ATP8A2: variants seen among roughly 807,000 people sequenced by gnomAD.
ATP8A2 encodes ATPase phospholipid transporting 8A2, also known as phospholipid-transporting ATPase IB.
In ATP8A2, 100 loss-of-function variants were observed where a neutral mutation model predicts 165.6. The ratio of observed to expected loss-of-function variants is 0.60; its 90% confidence interval spans 0.51 to 0.71. The LOEUF is 0.71. Among genes scored for constraint, ATP8A2 ranks in the 30% least tolerant of loss-of-function variants. The probability of loss-of-function intolerance (pLI) is 0.00; values close to 1 mark genes in which losing one functional copy is unlikely to be tolerated. For missense variants in ATP8A2, 1,227 were observed against 1,479.5 expected, an observed-to-expected ratio of 0.83 and a Z score of 2.80; for synonymous variants, 543 against 548.8, an observed-to-expected ratio of 0.99 and a Z score of 0.15.
Position 25,849,018 on chromosome 13 carries a change from C to T in ATP8A2, c.2956+9394C>T, listed in dbSNP as rs367705906. Among the ~76,000 whole-genome samples, 9 of 144,244 alleles carry T rather than the reference C, an allele frequency of 6.2e-5. No individual in the cohort carries two copies. In the East Asian group the frequency reaches 1.4e-3, roughly 23 times the overall value. 94.6% of individuals were successfully genotyped at this position (144,244 alleles called of 152,430 possible). ...AGAGGCCCAGAGAGTAAGGTGGGGG[C>T]GGGGGCTGGCTCAGTTAATGTTCTG... On this transcript the variant is annotated intron_variant, in intron 30 of 36. Coordinates refer to ENST00000381655, the MANE Select transcript of ATP8A2 (RefSeq NM_016529.6).
At chr13:25,939,556 C>T (rs1955011079) in intron 33 of ATP8A2, among the ~76,000 whole-genome samples, 1 of 152,182 alleles carries the variant, frequency 6.6e-6, no homozygotes, top group East Asian at 1.9e-4. Context: ...CTGACTTTCG[C>T]CATATTGGGG....
At chr13:25,828,633 T>G (rs1176256401) in intron 28 of ATP8A2, among the ~76,000 whole-genome samples, 1 of 152,222 alleles carries the variant, frequency 6.6e-6, no homozygotes, top group African/African-American at 2.4e-5. Flanking sequence ...GTATCTGTCC[T>G]TGTGGAAGAA....
At chr13:25,493,100 C>A (rs1028840725) in intron 2 of ATP8A2, among the ~76,000 whole-genome samples, 2 of 152,152 alleles carry the variant, frequency 1.3e-5, no homozygotes, top group African/African-American at 2.4e-5. Flanking sequence ...CCTGTTACAG[C>A]TTTCTTGGTC....
At chr13:25,907,360 TAA>T (rs928196100) in intron 33 of ATP8A2, among the ~76,000 whole-genome samples, 1 of 141,426 alleles carries the variant, frequency 7.1e-6, no homozygotes, top group Admixed American at 7.0e-5. Flanking sequence ...CAAAAATAAA[TAA>T]AAAAATAAAA....
Position 25,397,412 on chromosome 13 carries a change from G to T in ATP8A2, c.76+25124G>T, listed in dbSNP as rs186308576. On this transcript the variant is annotated intron_variant, in intron 1 of 36. Transcript: ENST00000381655. ...GTGACGCTCAGGTCCCTTTCAGCCTGCCTACTCTGCTGCTGCTGGCCCATG... is the reference window on the plus strand; with the variant it reads ...GTGACGCTCAGGTCCCTTTCAGCCTTCCTACTCTGCTGCTGCTGGCCCATG... Among the ~76,000 whole-genome samples the T allele has an allele frequency of 5.5e-4, 83 of 152,252 alleles. 1 individual carries two copies. The East Asian group carries it at 0.015, about 28-fold the overall frequency.
At chr13:25,729,242 T>C (rs1217827600) in intron 25 of ATP8A2, among the ~76,000 whole-genome samples, 2 of 152,248 alleles carry the variant, frequency 1.3e-5, no homozygotes, top group African/African-American at 4.8e-5. Context: ...CTAAGCATAC[T>C]TAGTTATTAC....
At position 26,023,260 on chromosome 13, in the gene ATP8A2, T is replaced by C. The variant is rs539358714; in HGVS notation, c.*3275T>C. 6.6e-6 allele frequency: 1 copy of C among 152,284 alleles called. No individual in the cohort carries two copies. The highest frequency in any genetic ancestry group is 6.5e-5 in the Admixed American group (1 of 15,304). 9.4% of individuals were successfully genotyped at this position (152,284 alleles called of 1,614,324 possible). On this transcript the variant is annotated 3_prime_UTR_variant, in exon 37 of 37. Transcript: ENST00000381655. ...CACATGAAAACAAAAACATGGTAAC[T>C]CTTTTGGTTCGGCACACCATACAAA... is the stretch of plus-strand genomic sequence containing the variant.
At chr13:25,642,252 G>A (rs1480882539) in intron 24 of ATP8A2, among the ~76,000 whole-genome samples, 2 of 152,122 alleles carry the variant, frequency 1.3e-5, no homozygotes, top group African/African-American at 4.8e-5. Context: ...TTGACTAATG[G>A]GATCTAATTA....
chr13:25,959,225 A>G (rs1955600961), intron 33 of ATP8A2, among the ~76,000 whole-genome samples: 1 of 152,164 alleles, frequency 6.6e-6, no homozygotes, highest in Non-Finnish European at 1.5e-5. Flanking sequence ...GAGAGAGTTG[A>G]GTTTTGCCAA....
In ATP8A2 at chr13:25,465,678, T is replaced by C. The variant is rs558692636; in HGVS notation, c.77-3299T>C. On this transcript the variant is annotated intron_variant, in intron 1 of 36. Transcript: ENST00000381655. ...TCTTGCAGAGTTTTCTTTCTTTCTT[T>C]CTTTCTTTCTTTCTTTCTTTCTTTC... Among the ~76,000 whole-genome samples, 32 of 9,386 alleles carry C rather than the reference T, an allele frequency of 3.4e-3. No homozygotes were observed. The South Asian group carries it at 0.043, about 13-fold the overall frequency. The allele number at this position is 9,386 out of a possible 152,430, so 6.2% of individuals were successfully genotyped here. A position where few individuals can be genotyped will look rare whatever the true frequency, so the allele number is the denominator to read the frequency against.
At chr13:25,408,885 T>A (rs2033886276) in intron 1 of ATP8A2, among the ~76,000 whole-genome samples, 1 of 152,222 alleles carries the variant, frequency 6.6e-6, no homozygotes, top group Non-Finnish European at 1.5e-5. Flanking sequence ...AGGAGCAGCT[T>A]AAATATGGAA....
At chr13:25,429,411 T>C (rs2034542656) in intron 1 of ATP8A2, among the ~76,000 whole-genome samples, 1 of 150,734 alleles carries the variant, frequency 6.6e-6, no homozygotes, top group Admixed American at 6.6e-5. Context: ...GAAGTAATCT[T>C]GCATGTTCAC....
At chr13:25,996,071 T>C (rs369222936) in intron 35 of ATP8A2, among the ~76,000 whole-genome samples, 19 of 152,336 alleles carry the variant, frequency 1.2e-4, no homozygotes, top group African/African-American at 4.1e-4. Context: ...AAGACCACTT[T>C]ATCTAATATT....
At chr13:25,682,420 G>A (rs141328845) in intron 24 of ATP8A2, among the ~76,000 whole-genome samples, 1,777 of 152,314 alleles carry the variant, frequency 0.012, 23 homozygotes, top group Non-Finnish European at 0.017. Flanking sequence ...CTCCCCGGCA[G>A]CTGTTTTTCT....
rs928142617 is a variant in ATP8A2, at chr13:25,750,002, TAAAAC to T, written c.2385-19029_2385-19025del. On this transcript the variant is annotated intron_variant, in intron 25 of 36. Transcript: ENST00000381655. This position sits in a 1 kb window ranked among gnomAD's most constrained non-coding sequence, Gnocchi z 4.3. ...ATAGCAAGACCACATCTCTAAAAAA[TAAAAC>T]AAAACAAAACAAAAAAACGAAGAAG... Among the ~76,000 whole-genome samples the T allele has an allele frequency of 1.3e-5, 2 of 151,934 alleles. No individual in the cohort carries two copies. Among genetic ancestry groups the T allele is most frequent in the Admixed American group, 1.3e-4 (2 of 15,254 alleles).
intron 25 of ATP8A2, among the ~76,000 whole-genome samples, chr13:25,730,126 C>CA (rs535720214): frequency 1.3e-5 from 2 of 151,988 alleles, no homozygotes; most frequent in Non-Finnish European, 2.9e-5. Flanking sequence ...CCCATCTCTA[C>CA]AAAAAATACA....
At chr13:25,697,777 T>C (rs1241255902) in intron 24 of ATP8A2, among the ~76,000 whole-genome samples, 1 of 152,218 alleles carries the variant, frequency 6.6e-6, no homozygotes, top group Non-Finnish European at 1.5e-5. Flanking sequence ...AGTGTCTTGC[T>C]GAAGGTCACA....
chr13:25,583,333 C>T (rs910297971), intron 23 of ATP8A2, among the ~76,000 whole-genome samples: 2 of 152,074 alleles, frequency 1.3e-5, no homozygotes, highest in Non-Finnish European at 2.9e-5. Flanking sequence ...GAAATACTTA[C>T]CTAAAATTTA....
At chr13:25,507,099 C>T (rs1310171164) in intron 2 of ATP8A2, among the ~76,000 whole-genome samples, 3 of 151,628 alleles carry the variant, frequency 2.0e-5, no homozygotes, top group Non-Finnish European at 4.4e-5. Context: ...AGAGTCAGAA[C>T]ATGTATAAAA....
Sources: gnomAD v4.1 joint callset for allele counts (sites outside exome capture counted in the v4.1 genomes callset) on GRCh38, gnomAD v4.1.1 for gene constraint, Gnocchi (gnomAD v3.1) non-coding constraint, MANE v1.5 for transcripts, NCBI Gene and HGNC (gene_info 2026-07-23, HGNC 2026-07-21) for gene names.